Variants in ADK observed in about 807,000 individuals in gnomAD.
The protein encoded by ADK is N6,N6-dimethyladenosine kinase.
Under a neutral mutation model 44.7 loss-of-function variants are expected in ADK, and 24 were observed. The observed-to-expected ratio is 0.54, with a 90% CI of 0.39 to 0.76. ADK has a LOEUF of 0.76. Among genes scored for constraint, ADK ranks in the 30% least tolerant of loss-of-function variants. The pLI, the probability that ADK is intolerant of heterozygous loss-of-function variation, is 0.00. For synonymous variants in ADK, 128 were observed against 142.6 expected, an observed-to-expected ratio of 0.90 and a Z score of 0.73; for missense variants, 321 against 425.1, an observed-to-expected ratio of 0.76 and a Z score of 2.15.
intron 6 of ADK, among the ~76,000 whole-genome samples, chr10:74,482,526 A>G (rs1564747187): frequency 6.6e-6 from 1 of 152,130 alleles, no homozygotes; most frequent in South Asian, 2.1e-4. Flanking sequence ...TGCAAAATAG[A>G]ATCATCCCTT....
intron 8 of ADK, among the ~76,000 whole-genome samples, chr10:74,591,297 AATG>A (rs1851708081): frequency 6.6e-6 from 1 of 152,190 alleles, no homozygotes; most frequent in Non-Finnish European, 1.5e-5. Context: ...ATATAAGCAA[AATG>A]ATAATGATTA....
intron 6 of ADK, among the ~76,000 whole-genome samples, chr10:74,523,618 G>C (rs1848924752): frequency 6.6e-6 from 1 of 151,980 alleles, no homozygotes; most frequent in Non-Finnish European, 1.5e-5. Context: ...CCAACTTTCT[G>C]GTAGATACTT....
In ADK at chr10:74,335,485, T is replaced by C. The variant is rs535730596; in HGVS notation, c.273+20740T>C. Among the ~76,000 whole-genome samples the C allele has an allele frequency of 5.7e-4, 87 of 152,362 alleles. No homozygotes were observed. In the South Asian group the frequency reaches 7.7e-3, roughly 13 times the overall value. ...GTAGTTTTCTATCATCGTGATGTAC[T>C]GCACCTTGTGTCTCTATCCACTCTA... On this transcript the variant is annotated intron_variant, in intron 4 of 10. Transcript: ENST00000539909.
chr10:74,429,377 TGAAG>T (rs1844902920), intron 6 of ADK, among the ~76,000 whole-genome samples: 1 of 152,226 alleles, frequency 6.6e-6, no homozygotes, highest in African/African-American at 2.4e-5. Context: ...TTTAATACAG[TGAAG>T]TCATAACTTG....
At chr10:74,547,489 T>A (rs535621332) in intron 7 of ADK, among the ~76,000 whole-genome samples, 15 of 144,630 alleles carry the variant, frequency 1.0e-4, no homozygotes, top group African/African-American at 3.0e-4. Context: ...TTATTATTTT[T>A]TTTTTTTTTT....
chr10:74,342,089 T>C (rs1260429992), intron 4 of ADK, among the ~76,000 whole-genome samples: 1 of 152,142 alleles, frequency 6.6e-6, no homozygotes, highest in Non-Finnish European at 1.5e-5. Context: ...ATACATTAGC[T>C]CTCACCCACT....
At chr10:74,384,995 G>T (rs952837567) in intron 4 of ADK, among the ~76,000 whole-genome samples, 1 of 152,192 alleles carries the variant, frequency 6.6e-6, no homozygotes, top group African/African-American at 2.4e-5. Context: ...GATGATCTAA[G>T]AAGCTTTTGC....
At chr10:74,171,502 G>T (rs1338612839) in intron 1 of ADK, among the ~76,000 whole-genome samples, 1 of 152,112 alleles carries the variant, frequency 6.6e-6, no homozygotes, top group Non-Finnish European at 1.5e-5. Context: ...GCTATTTTGG[G>T]TTATGTATCT....
At chr10:74,648,926 A>T (rs1564835621) in intron 9 of ADK, among the ~76,000 whole-genome samples, 1 of 152,118 alleles carries the variant, frequency 6.6e-6, no homozygotes, top group Non-Finnish European at 1.5e-5. Flanking sequence ...TCACACCTAT[A>T]ATCCCAGTGC....
At chr10:74,405,706 C>T (rs1290259246) in intron 6 of ADK, among the ~76,000 whole-genome samples, 1 of 152,190 alleles carries the variant, frequency 6.6e-6, no homozygotes, top group African/African-American at 2.4e-5. Flanking sequence ...AACCACGCCT[C>T]CTACCCGTCC....
intron 6 of ADK, among the ~76,000 whole-genome samples, chr10:74,483,623 C>T (rs954150695): frequency 6.6e-6 from 1 of 152,202 alleles, no homozygotes. Context: ...AGTTTCAGAT[C>T]ATCTCTTTGC....
intron 9 of ADK, among the ~76,000 whole-genome samples, chr10:74,668,729 C>T (rs1855062133): frequency 6.6e-6 from 1 of 151,006 alleles, no homozygotes. Context: ...AATGAGACTC[C>T]GTCTCAAAGA....
intron 3 of ADK, among the ~76,000 whole-genome samples, chr10:74,233,720 T>C (rs1386762580): frequency 1.3e-5 from 2 of 152,246 alleles, no homozygotes; most frequent in African/African-American, 4.8e-5. Context: ...TCTGTCATTG[T>C]CCATTAAACA....
intron 6 of ADK, among the ~76,000 whole-genome samples, chr10:74,443,436 A>G (rs183396034): frequency 2.0e-5 from 3 of 152,300 alleles, no homozygotes; most frequent in Admixed American, 2.0e-4. Context: ...AAGTGAAAGA[A>G]GCCATTTATA....
At chr10:74,427,662 T>C in intron 6 of ADK, among the ~76,000 whole-genome samples, 1 of 152,162 alleles carries the variant, frequency 6.6e-6, no homozygotes, top group East Asian at 1.9e-4. Flanking sequence ...TGTGTACATA[T>C]GGACATTTCT....
intron 3 of ADK, among the ~76,000 whole-genome samples, chr10:74,258,714 A>G (rs1282159960): frequency 3.9e-5 from 6 of 152,186 alleles, no homozygotes; most frequent in Admixed American, 6.5e-5. Context: ...ATTCTTTGCT[A>G]AAAATGAAGG....
At chr10:74,702,583 T>TCC (rs1856472390) in intron 10 of ADK, among the ~76,000 whole-genome samples, 2 of 86,628 alleles carry the variant, frequency 2.3e-5, no homozygotes, top group Non-Finnish European at 5.1e-5. Context: ...TCTCTCTCTC[T>TCC]CTGGTCTCTT....
intron 4 of ADK, among the ~76,000 whole-genome samples, chr10:74,315,318 C>CCTAAATATCT (rs1436915829): frequency 6.6e-6 from 1 of 152,010 alleles, no homozygotes; most frequent in Non-Finnish European, 1.5e-5. Flanking sequence ...TATGTATAGA[C>CCTAAATATCT]ATATATGTTG....
rs555599259 is a variant in ADK, at chr10:74,166,777, C to G, written c.65+15434C>G. 1.1e-3 allele frequency among the ~76,000 whole-genome samples: 165 copies of G among 152,064 alleles called. 1 individual carries two copies. The highest frequency in any genetic ancestry group is 2.0e-3 in the Non-Finnish European group (137 of 68,002). ...GCTATTTCTGATTGCTACATGACTT[C>G]CATGAAGCTTTTTAAGCTTTCACTC... On this transcript the variant is annotated intron_variant, in intron 1 of 10. Transcript: ENST00000539909.
Sources: gnomAD v4.1 joint callset for allele counts (sites outside exome capture counted in the v4.1 genomes callset) on GRCh38, gnomAD v4.1.1 for gene constraint, MANE v1.5 for transcripts, NCBI Gene and HGNC (gene_info 2026-07-23, HGNC 2026-07-21) for gene names.